Variants in OPLAH observed in about 807,000 individuals in gnomAD.
OPLAH encodes 5-oxoprolinase.
A neutral mutation model predicts 122.8 loss-of-function variants in OPLAH; 103 were observed. The ratio of observed to expected loss-of-function variants is 0.84; its 90% CI spans 0.71 to 0.99. The LOEUF is 0.99. Among genes scored for constraint, OPLAH ranks in the 50% least tolerant of loss-of-function variants. The pLI, the probability that OPLAH is intolerant of heterozygous loss-of-function variation, is 0.00. For synonymous variants in OPLAH, 875 were observed against 796.0 expected, an observed-to-expected ratio of 1.10 and a Z score of -1.67; for missense variants, 1,902 against 1,836.5, an observed-to-expected ratio of 1.04 and a Z score of -0.65.
downstream of OPLAH, chr8:144,050,462 C>T (rs1393597132): frequency 1.0e-6 from 1 of 985,532 alleles, no homozygotes; most frequent in Non-Finnish European, 1.2e-6. Context: ...TGGAAAGGTC[C>T]AGCAGGAGAG....
Position 144,057,304 on chromosome 8 carries a change from G to A in OPLAH, c.1439C>T (p.Pro480Leu), listed in dbSNP as rs868944693. 1.2e-6 allele frequency: 2 copies of A among 1,612,180 alleles called. No homozygotes were observed. Among genetic ancestry groups the A allele is most frequent in the African/African-American group, 1.3e-5 (1 of 75,074 alleles). The stretch of plus-strand genomic sequence containing the variant: ...AAAGCAGGCCAGCACATGGGCTGAG[G>A]GGTCATGGCCTCTTGCCTAGGGAGA... ...RALTQARGHDPSAHVLACFGG... is the reference protein window; with the variant it reads ...RALTQARGHDLSAHVLACFGG... Residue 480 changes from proline to leucine, a missense_variant, in exon 11 of 27, where the codon CCC becomes CTC. Transcript: ENST00000618853.
rs782130905 is a variant in OPLAH, at chr8:144,059,750, G to C, written c.212C>G (p.Ser71Cys). ...MLLPRDQPLD[S>C]SHIASIRMGT... ...CATGCGGATGCTGGCGATATGACTGGAGTCCAGCGGCTGGTCCCGGGGCAG... is the reference window on the plus strand; with the variant it reads ...CATGCGGATGCTGGCGATATGACTGCAGTCCAGCGGCTGGTCCCGGGGCAG... The change falls in exon 3 of 27, where the codon TCC becomes TGC. Residue 71 changes from serine (S) to cysteine (C), a missense_variant. Coordinates refer to ENST00000618853, the MANE Select transcript of OPLAH (RefSeq NM_017570.5). The C allele has an allele frequency of 3.9e-5, 63 of 1,609,902 alleles. No homozygotes were observed. Among genetic ancestry groups the C allele is most frequent in the Admixed American group, 6.7e-5 (4 of 59,964 alleles).
In OPLAH at chr8:144,056,975, T is replaced by A. The variant is rs782619629; in HGVS notation, c.1679A>T (p.Asp560Val). The change falls in exon 12 of 27, where the codon GAT (aspartate) becomes GTT (valine). Residue 560 changes from aspartate (D) to valine (V), a missense_variant. Asp to Val is a radical substitution (Grantham distance 152). Coordinates refer to ENST00000618853, the MANE Select transcript of OPLAH (RefSeq NM_017570.5). ...RLSRLEEQCV[D>V]ALQAQGFPRS... ...GGGGAAGCCCTGGGCCTGCAGAGCA[T>A]CCACACACTGCTCCTCCAGGCGGCT... The A allele has an allele frequency of 6.3e-7, 1 of 1,586,210 alleles. No homozygotes were observed. Among genetic ancestry groups the A allele is most frequent in the Non-Finnish European group, 8.6e-7 (1 of 1,168,378 alleles).
intron 11 of OPLAH, 26 bp from the exon 12 acceptor site, chr8:144,057,144 G>T (rs1171479567): frequency 1.3e-5 from 20 of 1,594,416 alleles, no homozygotes; most frequent in Non-Finnish European, 1.6e-5. Context: ...GCATGGCAAT[G>T]GGAGGTCACC....
At chr8:144,056,892 C>A (rs1554759346) in intron 12 of OPLAH, 56 bp downstream of exon 12, 2 of 1,524,790 alleles carry the variant, frequency 1.3e-6, no homozygotes, top group African/African-American at 2.7e-5. Flanking sequence ...GAACACCCAC[C>A]AAGGGCGTGG....
chr8:144,060,197 A>C (rs1835634933), intron 1 of OPLAH, 112 bp from the exon 2 acceptor site: 1 of 786,394 alleles, frequency 1.3e-6, no homozygotes. Context: ...CGACTCTGGG[A>C]AGAGCCAGAG....
chr8:144,058,864 G>C lies in OPLAH; in HGVS notation c.496C>G (p.Pro166Ala), dbSNP rs1554760184. 4 of 1,564,336 alleles carry C rather than the reference G, an allele frequency of 2.6e-6. No individual in the cohort carries two copies. The East Asian group carries it at 9.6e-5, about 38-fold the overall frequency. Residue 166 changes from proline (P) to alanine (A), a missense_variant, in exon 5 of 27, where the codon CCT becomes GCT. Physicochemically the swap from Pro to Ala is conservative, Grantham distance 27. Transcript: ENST00000618853. ...RTGDLLEVQQ[P>A]VDLGALRGKL... is the part of the protein sequence containing the mutation. ...CCACGCAGGGCCCCCAGGTCCACAG[G>C]CTGCTGCACTTCCAGCAGGTCCCCC... is the stretch of plus-strand genomic sequence containing the variant.
At chr8:144,051,525 C>G in intron 26 of OPLAH, 53 bp from the exon 27 acceptor site, 3 of 1,385,368 alleles carry the variant, frequency 2.2e-6, no homozygotes, top group Non-Finnish European at 2.9e-6. Flanking sequence ...CGTGGCCCCT[C>G]CCTGTCACCT....
In OPLAH at chr8:144,053,077, CG is replaced by C; in HGVS notation, c.2923del (p.Arg975GlyfsTer30). The C allele has an allele frequency of 6.2e-7, 1 of 1,603,194 alleles. No homozygotes were observed. Among genetic ancestry groups the C allele is most frequent in the Non-Finnish European group, 8.5e-7 (1 of 1,175,830 alleles). ...RDMLRAFGTSRQARGLPLEVS... is the reference protein window; with the variant it reads ...RDMLRAFGTSXQARGLPLEVS... Reference sequence around the variant, plus strand: ...CTCCAGGGGCAGGCCCCGGGCCTGCCGGGAGGTTCCAAAGGCACGCAACATG... The same window carrying C: ...CTCCAGGGGCAGGCCCCGGGCCTGCCGGAGGTTCCAAAGGCACGCAACATG... On this transcript the variant is annotated frameshift_variant, in exon 21 of 27. Transcript: ENST00000618853. LOFTEE classifies it high-confidence loss of function.
Position 144,060,023 on chromosome 8 carries a change from G to A in OPLAH, c.10C>T (p.Pro4Ser). 6.2e-7 allele frequency: 1 copy of A among 1,612,008 alleles called. No homozygotes were observed. Among genetic ancestry groups the A allele is most frequent in the Non-Finnish European group, 8.5e-7 (1 of 1,179,528 alleles). Residue 4 changes from proline to serine, a missense_variant, in exon 2 of 27, where the codon CCC (proline) becomes TCC (serine). Pro to Ser is a moderately conservative substitution (Grantham distance 74). Coordinates refer to ENST00000618853, the MANE Select transcript of OPLAH (RefSeq NM_017570.5). Reference protein sequence around the residue: MGSPEGRFHFAIDR... With the variant: MGSSEGRFHFAIDR... ...ATGGCAAAGTGGAAGCGGCCCTCGG[G>A]GCTGCCCATGGTGGTGGGGCTGGAG...
chr8:144,050,943 GC>G, downstream of OPLAH: 1 of 1,030,210 alleles, frequency 9.7e-7, no homozygotes, highest in Non-Finnish European at 1.2e-6. Flanking sequence ...CCCTACCAGG[GC>G]CCTGGAGCAG....
At chr8:144,050,497 G>T (rs1835348343), downstream of OPLAH, 6 of 985,332 alleles carry the variant, frequency 6.1e-6, no homozygotes, top group Non-Finnish European at 7.2e-6. Flanking sequence ...GCGGAGCCAG[G>T]AGGCCCGGCC....
At position 144,059,580 on chromosome 8, in the gene OPLAH, C is replaced by T. The variant is rs1835616756; in HGVS notation, c.363+19G>A. On this transcript the variant is annotated intron_variant, in intron 3 of 26. Coordinates refer to ENST00000618853, the MANE Select transcript of OPLAH (RefSeq NM_017570.5). ...GGTGTACACCACACAGCCTGGTCCC[C>T]AGCCAACATGGAGCTCACCAGGTCA... The T allele has an allele frequency of 6.3e-7, 1 of 1,589,702 alleles. No individual in the cohort carries two copies.
In OPLAH at chr8:144,057,250, G is replaced by T; in HGVS notation, c.1493C>A (p.Ala498Asp). 1.2e-6 allele frequency: 2 copies of T among 1,612,372 alleles called. No homozygotes were observed. Among genetic ancestry groups the T allele is most frequent in the Non-Finnish European group, 1.7e-6 (2 of 1,179,736 alleles). ...FGGAGGQHAC[A>D]IARALGMDTV... The stretch of plus-strand genomic sequence containing the variant: ...GTCCATGCCCAGGGCCCGGGCGATG[G>T]CACATGCATGCTGCCCACCAGCTCC... Residue 498 changes from alanine (A) to aspartate (D), a missense_variant, in exon 11 of 27, where the codon GCC becomes GAC. Physicochemically the swap from Ala to Asp is moderately radical, Grantham distance 126. This residue lies in a region of OPLAH where 1,726 missense variants were observed against 1,642.1 expected (regional missense o/e 1.05). Coordinates refer to ENST00000618853, the MANE Select transcript of OPLAH (RefSeq NM_017570.5).
chr8:144,053,300 A>ACGGAGGT lies in OPLAH; in HGVS notation c.2779_2780insACCTCCG (p.Val927AspfsTer37). 1 of 1,612,808 alleles carries ACGGAGGT rather than the reference A, an allele frequency of 6.2e-7. No individual in the cohort carries two copies. Among genetic ancestry groups the ACGGAGGT allele is most frequent in the Non-Finnish European group, 8.5e-7 (1 of 1,179,782 alleles). On this transcript the variant is annotated frameshift_variant, in exon 20 of 27. Coordinates refer to ENST00000618853, the MANE Select transcript of OPLAH (RefSeq NM_017570.5). LOFTEE classifies it high-confidence loss of function. The stretch of plus-strand genomic sequence containing the variant: ...CTGGATGCCCTTCTGGTTGGCTGCC[A>ACGGAGGT]CCTGGGCACGGAGGTCCGACAGGTT...
In OPLAH at chr8:144,051,294, G is replaced by A. The variant is rs782140510; in HGVS notation, c.*32C>T. 3 of 1,608,558 alleles carry A rather than the reference G, an allele frequency of 1.9e-6. No individual in the cohort carries two copies. Among genetic ancestry groups the A allele is most frequent in the Middle Eastern group, 1.7e-4 (1 of 6,054 alleles). The stretch of plus-strand genomic sequence containing the variant: ...GCGCCGTAGCTGCGTCCCCAGAACC[G>A]GGAGACTTAAGGCATCTTTATTGCG... On this transcript the variant is annotated 3_prime_UTR_variant, in exon 27 of 27. Coordinates refer to ENST00000618853, the MANE Select transcript of OPLAH (RefSeq NM_017570.5).
Position 144,058,761 on chromosome 8 carries a change from C to A in OPLAH, c.587+12G>T, listed in dbSNP as rs1432003041. The A allele has an allele frequency of 6.3e-7, 1 of 1,589,594 alleles. No individual in the cohort carries two copies. Among genetic ancestry groups the A allele is most frequent in the Admixed American group, 1.7e-5 (1 of 58,672 alleles). On this transcript the variant is annotated intron_variant, in intron 5 of 26. Coordinates refer to ENST00000618853, the MANE Select transcript of OPLAH (RefSeq NM_017570.5). ...CACCTGCTCCCGCAGCCCACAGCCC[C>A]ACCTCACTCACGTGTACGAGTGCAT...
At position 144,057,573 on chromosome 8, in the gene OPLAH, C is replaced by T. The variant is rs782317148; in HGVS notation, c.1297G>A (p.Glu433Lys). ...CCGTTGGTCAGGAAGCTGTTGACCT[C>T]AGTGGCCACAGCCTCCAGGGCTTTG... ...SRKALEAVAT[E>K]VNSFLTNGPC... Residue 433 changes from glutamate to lysine, a missense_variant, in exon 10 of 27, where the codon GAG becomes AAG. This residue lies in a region of OPLAH where 1,726 missense variants were observed against 1,642.1 expected (regional missense o/e 1.05). Transcript: ENST00000618853. The T allele has an allele frequency of 6.3e-7, 1 of 1,582,594 alleles. No homozygotes were observed. Among genetic ancestry groups the T allele is most frequent in the African/African-American group, 1.3e-5 (1 of 74,160 alleles).
rs1554757715 is a variant in OPLAH, at chr8:144,051,769, A to C, written c.3680T>G (p.Val1227Gly). 6.2e-7 allele frequency: 1 copy of C among 1,605,014 alleles called. No homozygotes were observed. The highest frequency in any genetic ancestry group is 8.5e-7 in the Non-Finnish European group (1 of 1,178,042). ...NLLIRKNGRT[V>G]NLGGKTSVTV... ...CACCGACGTCTTGCCGCCCAGATTC[A>C]CCGTCCGGCCGTTTTTGCGGATCAG... is the stretch of plus-strand genomic sequence containing the variant. The change falls in exon 26 of 27, where the codon GTG (valine) becomes GGG (glycine). Residue 1227 changes from valine (V) to glycine (G), a missense_variant. Val to Gly is a moderately radical substitution (Grantham distance 109). Transcript: ENST00000618853.
Sources: gnomAD v4.1 joint callset for allele counts on GRCh38, gnomAD v4.1.1 for gene constraint, gnomAD v4.1.1 regional missense constraint, MANE v1.5 for transcripts, NCBI Gene and HGNC (gene_info 2026-07-23, HGNC 2026-07-21) for gene names.